SMC4: variants seen among roughly 807,000 people sequenced by gnomAD.
SMC4 encodes the protein structural maintenance of chromosomes 4.
SMC4 carries 87 observed loss-of-function variants against 145.6 expected under a neutral mutation model. That is an observed-to-expected ratio of 0.60 (90% CI 0.50 to 0.71). SMC4 has a LOEUF of 0.71. Among genes scored for constraint, SMC4 ranks in the 30% least tolerant of loss-of-function variants. The probability of loss-of-function intolerance (pLI) is 0.00; values close to 1 mark genes in which losing one functional copy is unlikely to be tolerated. For synonymous variants in SMC4, 558 were observed against 500.7 expected, an observed-to-expected ratio of 1.11 and a Z score of -1.53; for missense variants, 1,447 against 1,537.1, an observed-to-expected ratio of 0.94 and a Z score of 0.98.
At chr3:160,426,381 G>C (rs1717798154) in intron 17 of SMC4, among the ~76,000 whole-genome samples, 181 bp downstream of exon 17, 1 of 152,104 alleles carries the variant, frequency 6.6e-6, no homozygotes, top group Admixed American at 6.5e-5. Flanking sequence ...TAAGGAAACT[G>C]AGGCATTTGC....
At chr3:160,428,649 T>A (rs1718054102) in intron 17 of SMC4, 104 bp from the exon 18 acceptor site, 2 of 1,053,592 alleles carry the variant, frequency 1.9e-6, no homozygotes, top group East Asian at 5.6e-5. Flanking sequence ...AAAATTTGTT[T>A]TAATGCATCA....
chr3:160,412,193 A>G (rs1716066034), intron 6 of SMC4, 109 bp downstream of exon 6: 2 of 1,419,204 alleles, frequency 1.4e-6, no homozygotes, highest in Admixed American at 2.3e-5. Flanking sequence ...GAAGTGTTAT[A>G]TTGAAATTTA....
chr3:160,431,267 G>C, intron 20 of SMC4, 62 bp downstream of exon 20: 1 of 1,415,814 alleles, frequency 7.1e-7, no homozygotes, highest in South Asian at 1.5e-5. Context: ...GAGGGTTTGG[G>C]GAGGATTGTT....
intron 8 of SMC4, chr3:160,414,027 A>G (rs1716326865): frequency 3.1e-5 from 11 of 355,244 alleles, no homozygotes; most frequent in South Asian, 2.4e-4. Flanking sequence ...AAAAATTTGT[A>G]TAGTAAGTTT....
At chr3:160,414,030 G>A (rs1716327175) in intron 8 of SMC4, 1 of 356,826 alleles carries the variant, frequency 2.8e-6, no homozygotes, top group South Asian at 2.2e-5. Context: ...AATTTGTATA[G>A]TAAGTTTATT....
At chr3:160,417,583 A>G (rs1163699865) in intron 10 of SMC4, 140 bp from the exon 11 acceptor site, 1 of 691,988 alleles carries the variant, frequency 1.4e-6, no homozygotes, top group Non-Finnish European at 2.4e-6. Flanking sequence ...AATCTAGTCC[A>G]CTTGTGAGAA....
At chr3:160,429,081 C>T in intron 18 of SMC4, 139 bp downstream of exon 18, 1 of 681,950 alleles carries the variant, frequency 1.5e-6, no homozygotes, top group Non-Finnish European at 2.3e-6. Flanking sequence ...CCTAATGGGA[C>T]TTCCATGACG....
intron 22 of SMC4, chr3:160,432,774 GATAAGGAGAAAGA>G: frequency 3.8e-6 from 2 of 523,700 alleles, no homozygotes; most frequent in Non-Finnish European, 6.7e-6. Flanking sequence ...AATTGTATTT[GATAAGGAGAAAGA>G]ATAGCAAGAA....
Position 160,400,979 on chromosome 3 carries a change from C to T in SMC4, c.139+14C>T. 7.2e-7 allele frequency: 1 copy of T among 1,384,182 alleles called. No homozygotes were observed. The highest frequency in any genetic ancestry group is 1.6e-5 in the South Asian group (1 of 60,998). The allele number at this position is 1,384,182 out of a possible 1,614,324, so 85.7% of individuals were successfully genotyped here. ...CCACCGCCGCAGGTGAGTGACCCGC[C>T]GCGACTCGGCGGGAACGCGCGCTGT... On this transcript the variant is annotated intron_variant, in intron 2 of 23. Transcript: ENST00000357388.
In SMC4 at chr3:160,433,753, A is replaced by C. The variant is rs376451014; in HGVS notation, c.3811A>C (p.Ile1271Leu). ...RLIGIYKTYN[I>L]TKSVAVNPKE... Reference sequence around the variant, plus strand: ...TATTGGAATTTACAAGACATACAACATAACAAAAAGTGTTGCTGTAAATCC... The same window carrying C: ...TATTGGAATTTACAAGACATACAACCTAACAAAAAGTGTTGCTGTAAATCC... The change falls in exon 24 of 24, where the codon ATA (isoleucine) becomes CTA (leucine). Residue 1271 changes from isoleucine (I) to leucine (L), a missense_variant. Ile to Leu is a conservative substitution (Grantham distance 5). Coordinates refer to ENST00000357388, the MANE Select transcript of SMC4 (RefSeq NM_001002800.3). 2 of 1,601,628 alleles carry C rather than the reference A, an allele frequency of 1.2e-6. No individual in the cohort carries two copies. The highest frequency in any genetic ancestry group is 1.7e-6 in the Non-Finnish European group (2 of 1,174,834).
intron 7 of SMC4, 30 bp downstream of exon 7, chr3:160,412,483 TTA>T: frequency 6.4e-7 from 1 of 1,571,302 alleles, no homozygotes. Context: ...TTACCAATTT[TTA>T]TATTAGTTTT....
chr3:160,410,968 C>A (rs1391936849), intron 5 of SMC4, among the ~76,000 whole-genome samples: 6 of 152,090 alleles, frequency 3.9e-5, no homozygotes. Flanking sequence ...CCTATTCTTC[C>A]ATTGTAATAG....
chr3:160,402,624 T>C, intron 3 of SMC4, 52 bp from the exon 4 acceptor site: 1 of 1,548,748 alleles, frequency 6.5e-7, no homozygotes, highest in Non-Finnish European at 8.7e-7. Flanking sequence ...TCAGTAGTAT[T>C]AGCATGACCT....
chr3:160,421,048 G>C (rs1266742881), intron 13 of SMC4, 147 bp downstream of exon 13: 3 of 560,614 alleles, frequency 5.4e-6, no homozygotes, highest in East Asian at 7.6e-5. Flanking sequence ...TCCTGCCTCA[G>C]CCTCCCGAGT....
At position 160,413,488 on chromosome 3, in the gene SMC4, A is replaced by G. The variant is rs750331243; in HGVS notation, c.996A>G (p.Lys332=). Residue 332 remains lysine, a synonymous_variant, in exon 8 of 24, where the codon AAA becomes AAG. Transcript: ENST00000357388. ...VCQYYIYELQ[K]RIAEMETQKE... is the part of the protein sequence containing the mutation. ...CTCCCTATAGTTATGAGTTGCAGAA[A>G]CGAATTGCTGAAATGGAAACTCAAA... 4 of 1,583,650 alleles carry G rather than the reference A, an allele frequency of 2.5e-6. No individual in the cohort carries two copies. The highest frequency in any genetic ancestry group is 3.4e-6 in the Non-Finnish European group (4 of 1,172,052).
At chr3:160,433,327 C>T (rs1223829248) in intron 23 of SMC4, 118 bp downstream of exon 23, 1 of 685,568 alleles carries the variant, frequency 1.5e-6, no homozygotes, top group Non-Finnish European at 2.4e-6. Context: ...ATAACTCCAT[C>T]TCCATCTCCT....
At chr3:160,412,804 T>C (rs76963570) in intron 7 of SMC4, 7 of 976,336 alleles carry the variant, frequency 7.2e-6, no homozygotes, top group Non-Finnish European at 6.1e-6. Flanking sequence ...TTAGGCATAT[T>C]AATTCATTGA....
chr3:160,400,830 C>T lies in SMC4; in HGVS notation c.4C>T (p.Pro2Ser), dbSNP rs745485728. ...CTGTCCCCCGGCCCCAGCGACCATG[C>T]CCCGTAAAGGCACCCAGCCCTCCAC... M[P>S]RKGTQPSTAR... Residue 2 changes from proline to serine, a missense_variant, in exon 2 of 24, where the codon CCC becomes TCC. Transcript: ENST00000357388. The T allele has an allele frequency of 7.2e-6, 11 of 1,534,998 alleles. No homozygotes were observed. The highest frequency in any genetic ancestry group is 4.3e-5 in the African/African-American group (3 of 69,744).
intron 19 of SMC4, 69 bp downstream of exon 19, chr3:160,430,812 G>A (rs1283162335): frequency 1.3e-6 from 2 of 1,513,228 alleles, no homozygotes. Flanking sequence ...CTGGATATAT[G>A]ACAGTGCCTA....
Sources: allele counts gnomAD v4.1 joint callset (sites outside exome capture counted in the v4.1 genomes callset), GRCh38; gene constraint gnomAD v4.1.1; transcripts MANE v1.5; gene names NCBI Gene and HGNC (gene_info 2026-07-23, HGNC 2026-07-21).